The following TNFRSF21 variants were observed in gnomAD, a reference collection of about 807,000 sequenced individuals.
The protein encoded by TNFRSF21 is tumor necrosis factor receptor superfamily member 21.
A neutral mutation model predicts 45.6 loss-of-function variants in TNFRSF21; 19 were observed. That is an observed-to-expected ratio of 0.42 (90% CI 0.29 to 0.61). The LOEUF (loss-of-function observed/expected upper bound fraction) is 0.61. Ranked by LOEUF, TNFRSF21 falls within the 20% of genes least tolerant of loss-of-function variation. The pLI is 0.23. For missense variants in TNFRSF21, 737 were observed against 851.5 expected, an observed-to-expected ratio of 0.87 and a Z score of 1.67; for synonymous variants, 314 against 335.5, an observed-to-expected ratio of 0.94 and a Z score of 0.70.
At chr6:47,305,962 T>C (rs2113872339) in intron 1 of TNFRSF21, among the ~76,000 whole-genome samples, 1 of 152,312 alleles carries the variant, frequency 6.6e-6, no homozygotes, top group Non-Finnish European at 1.5e-5. Flanking sequence ...AAAGCTCTCA[T>C]GGATCTTGTC....
chr6:47,237,321 C>T (rs1018810746), intron 4 of TNFRSF21, among the ~76,000 whole-genome samples: 12 of 152,208 alleles, frequency 7.9e-5, no homozygotes, highest in Admixed American at 5.2e-4. Flanking sequence ...AATTTCTTTC[C>T]GTGCTTTACC....
At chr6:47,233,038 T>C (rs1561935743) in intron 5 of TNFRSF21, 44 bp from the exon 6 acceptor site, 3 of 1,590,098 alleles carry the variant, frequency 1.9e-6, no homozygotes, top group Non-Finnish European at 2.6e-6. Context: ...AAGGTGACTG[T>C]ACTGGCAAGG....
intron 3 of TNFRSF21, among the ~76,000 whole-genome samples, chr6:47,273,622 C>T (rs1413379773): frequency 6.6e-6 from 1 of 152,224 alleles, no homozygotes; most frequent in Admixed American, 6.5e-5. Flanking sequence ...TGCCCTCTCT[C>T]ACCACTCCTA....
At chr6:47,297,411 C>T (rs568952282) in intron 1 of TNFRSF21, among the ~76,000 whole-genome samples, 22 of 152,162 alleles carry the variant, frequency 1.4e-4, no homozygotes, top group Non-Finnish European at 2.2e-4. Flanking sequence ...TTATCACTCC[C>T]GCCAACTTAA....
intron 3 of TNFRSF21, among the ~76,000 whole-genome samples, chr6:47,271,602 T>C (rs1315173037): frequency 1.3e-5 from 2 of 152,126 alleles, no homozygotes; most frequent in Non-Finnish European, 2.9e-5. Flanking sequence ...AGAAACTGCA[T>C]CAATTAACGG....
At position 47,286,172 on chromosome 6, in the gene TNFRSF21, C is replaced by T; in HGVS notation, c.520G>A (p.Gly174Ser). The change falls in exon 2 of 6, where the codon GGT becomes AGT. Residue 174 changes from glycine to serine, a missense_variant. Transcript: ENST00000296861. ...CTAGAAGGCACATCTGAGAAGGTACCCCGAGCACACTGCTTACACCGCACA... is the reference window on the plus strand; with the variant it reads ...CTAGAAGGCACATCTGAGAAGGTACTCCGAGCACACTGCTTACACCGCACA... The part of the protein sequence containing the change: ...EDVRCKQCAR[G>S]TFSDVPSSVM... 1 of 1,614,166 alleles carries T rather than the reference C, an allele frequency of 6.2e-7. No homozygotes were observed. Among genetic ancestry groups the T allele is most frequent in the Non-Finnish European group, 8.5e-7 (1 of 1,180,038 alleles).
In TNFRSF21 at chr6:47,309,586, C is replaced by A; in HGVS notation, c.-75G>T. On this transcript the variant is annotated 5_prime_UTR_variant, in exon 1 of 6. Transcript: ENST00000296861. ...AATCGGCGGCTGCTTCTGCCCAGCGCCGCATCCACCGCCGCCTCCCGGGCC... is the reference window on the plus strand; with the variant it reads ...AATCGGCGGCTGCTTCTGCCCAGCGACGCATCCACCGCCGCCTCCCGGGCC... 1 of 1,372,070 alleles carries A rather than the reference C, an allele frequency of 7.3e-7. No homozygotes were observed. Among genetic ancestry groups the A allele is most frequent in the Non-Finnish European group, 9.3e-7 (1 of 1,071,916 alleles). The allele number at this position is 1,372,070 out of a possible 1,614,324, so 85.0% of individuals were successfully genotyped here.
chr6:47,309,422 A>G lies in TNFRSF21; in HGVS notation c.90T>C (p.Leu30=). The G allele has an allele frequency of 6.5e-7, 1 of 1,546,174 alleles. No homozygotes were observed. The highest frequency in any genetic ancestry group is 1.9e-5 in the Admixed American group (1 of 52,780). The change falls in exon 1 of 6, where the codon CTT becomes CTC. Residue 30 remains leucine (L), a synonymous_variant. Transcript: ENST00000296861. ...GGTCCACGCAAGCGCTCACCAGGAG[A>G]AGGGAGCCCGCGATCATCGTGGCTG... The part of the protein sequence containing the change: ...RATATMIAGS[L]LLLGFLSTTT...
chr6:47,309,342 AC>A, intron 1 of TNFRSF21, 73 bp downstream of exon 1: 2 of 1,472,788 alleles, frequency 1.4e-6, no homozygotes, highest in South Asian at 2.6e-5. Flanking sequence ...CGGCCCGGTG[AC>A]CCGCCCGGCT....
chr6:47,309,394 C>T (rs746944883), intron 1 of TNFRSF21, 22 bp downstream of exon 1: 1 of 1,524,382 alleles, frequency 6.6e-7, no homozygotes, highest in Non-Finnish European at 8.8e-7. Context: ...CGCCGCCACC[C>T]CCGGTCCACG....
rs201259634 is a variant in TNFRSF21, at chr6:47,284,035, C to T, written c.1146G>A (p.Arg382=). The T allele has an allele frequency of 7.4e-6, 12 of 1,614,210 alleles. No individual in the cohort carries two copies. Among genetic ancestry groups the T allele is most frequent in the South Asian group, 1.1e-5 (1 of 91,084 alleles). ...TTTCCACAATGGCACTGGGATCCTG[C>T]CGGGGCCCCTTTTTCAGAGTCCTCG... ...KSSRTLKKGP[R]QDPSAIVEKA... Residue 382 remains arginine, a synonymous_variant, in exon 3 of 6, where the codon CGG becomes CGA. Coordinates refer to ENST00000296861, the MANE Select transcript of TNFRSF21 (RefSeq NM_014452.5).
At chr6:47,255,974 TA>T (rs1764982951) in intron 3 of TNFRSF21, among the ~76,000 whole-genome samples, 1 of 152,118 alleles carries the variant, frequency 6.6e-6, no homozygotes, top group Non-Finnish European at 1.5e-5. Flanking sequence ...AAAATAAAAA[TA>T]TTTTTTGCAC....
chr6:47,300,511 TTTTA>T (rs1303001844), intron 1 of TNFRSF21, among the ~76,000 whole-genome samples: 2 of 152,158 alleles, frequency 1.3e-5, no homozygotes, highest in African/African-American at 2.4e-5. Flanking sequence ...GCCAGTGAGT[TTTTA>T]TTTTTTTTAA....
In TNFRSF21 at chr6:47,309,479, G is replaced by A. The variant is rs376684708; in HGVS notation, c.33C>T (p.Leu11=). The change falls in exon 1 of 6, where the codon CTC becomes CTT. Residue 11 remains leucine, a synonymous_variant. Coordinates refer to ENST00000296861, the MANE Select transcript of TNFRSF21 (RefSeq NM_014452.5). MGTSPSSSTA[L]ASCSRIARRA... ...GGCGGGCGATGCGGCTGCAGGAGGCGAGGGCGGTGCTGCTGCTCGGAGAGG... is the reference window on the plus strand; with the variant it reads ...GGCGGGCGATGCGGCTGCAGGAGGCAAGGGCGGTGCTGCTGCTCGGAGAGG... The A allele has an allele frequency of 4.6e-5, 71 of 1,527,980 alleles. No individual in the cohort carries two copies. The highest frequency in any genetic ancestry group is 3.9e-4 in the Middle Eastern group (2 of 5,154). 94.7% of individuals were successfully genotyped at this position (1,527,980 alleles called of 1,614,324 possible). A position where few individuals can be genotyped will look rare whatever the true frequency, so the allele number is the denominator to read the frequency against.
chr6:47,256,695 C>A (rs1281751927), intron 3 of TNFRSF21, among the ~76,000 whole-genome samples: 1 of 152,202 alleles, frequency 6.6e-6, no homozygotes, highest in Non-Finnish European at 1.5e-5. Flanking sequence ...CAAATAGACT[C>A]CTCAGAAAAC....
In TNFRSF21 at chr6:47,232,624, A is replaced by AACAC. The variant is rs34093099; in HGVS notation, c.*137_*140dup. The AACAC allele has an allele frequency of 6.3e-3, 3,561 of 563,082 alleles. 39 individuals are homozygous for AACAC. Among genetic ancestry groups the AACAC allele is most frequent in the African/African-American group, 0.038 (1,886 of 50,186 alleles). The allele number at this position is 563,082 out of a possible 1,614,324, so 34.9% of individuals were successfully genotyped here. A position where few individuals can be genotyped will look rare whatever the true frequency, so the allele number is the denominator to read the frequency against. On this transcript the variant is annotated 3_prime_UTR_variant, in exon 6 of 6. Coordinates refer to ENST00000296861, the MANE Select transcript of TNFRSF21 (RefSeq NM_014452.5). ...CAAGCACTGGCCATATTCTCTGTTAAACACACACACACACACACACACACA... is the reference window on the plus strand; with the variant it reads ...CAAGCACTGGCCATATTCTCTGTTAAACACACACACACACACACACACACACACA...
At chr6:47,309,281 C>A (rs1762982818) in intron 1 of TNFRSF21, 135 bp downstream of exon 1, 1 of 1,265,304 alleles carries the variant, frequency 7.9e-7, no homozygotes, top group East Asian at 3.1e-5. Flanking sequence ...CCCTTGGAAA[C>A]CCCTCAGTGC....
chr6:47,261,558 T>C (rs993685622), intron 3 of TNFRSF21, among the ~76,000 whole-genome samples: 1 of 152,182 alleles, frequency 6.6e-6, no homozygotes, highest in Non-Finnish European at 1.5e-5. Context: ...TCTATAATAA[T>C]GAGAAGAAAG....
intron 4 of TNFRSF21, among the ~76,000 whole-genome samples, chr6:47,247,972 A>G (rs1028835682): frequency 3.3e-5 from 5 of 152,198 alleles, no homozygotes; most frequent in Admixed American, 2.6e-4. Context: ...ATGGAAGGAG[A>G]GATAAGAAGT....
Sources: allele counts gnomAD v4.1 joint callset (sites outside exome capture counted in the v4.1 genomes callset), GRCh38; gene constraint gnomAD v4.1.1; transcripts MANE v1.5; gene names NCBI Gene and HGNC (gene_info 2026-07-23, HGNC 2026-07-21).